The following HEATR4 variants were observed in gnomAD, a reference collection of about 807,000 sequenced individuals.
HEATR4 encodes the protein HEAT repeat-containing protein 4.
Under a neutral mutation model 108.8 loss-of-function variants are expected in HEATR4, and 95 were observed. That is an observed-to-expected ratio of 0.87 (90% CI 0.74 to 1.04). HEATR4 has a LOEUF of 1.04. Among genes scored for constraint, HEATR4 ranks in the 50% least tolerant of loss-of-function variants. HEATR4 has a pLI of 0.00. For synonymous variants in HEATR4, 443 were observed against 459.4 expected, an observed-to-expected ratio of 0.96 and a Z score of 0.46; for missense variants, 1,152 against 1,253.8, an observed-to-expected ratio of 0.92 and a Z score of 1.23.
chr14:73,572,436 A>C, the HEATR4 span, among the ~76,000 whole-genome samples: 1 of 152,014 alleles, frequency 6.6e-6, no homozygotes, highest in Non-Finnish European at 1.5e-5. Context: ...CATTCCATTT[A>C]GATACAATTC....
chr14:73,514,062 C>T lies in HEATR4; in HGVS notation c.1383G>A (p.Met461Ile). The change falls in exon 6 of 18, where the codon ATG becomes ATA. Residue 461 changes from methionine (M) to isoleucine (I), a missense_variant. By Grantham distance (10) the Met-to-Ile change is conservative. Coordinates refer to ENST00000553558, the MANE Select transcript of HEATR4 (RefSeq NM_001220484.1). ...VTWELVVLRR[M>I]LKEWKTAWAL... ...CCCAGGCAGTCTTCCATTCCTTCAG[C>T]ATCCTCCGCAGGACCACCAGTTCCC... The T allele has an allele frequency of 1.9e-6, 3 of 1,614,204 alleles. No homozygotes were observed. The highest frequency in any genetic ancestry group is 2.5e-6 in the Non-Finnish European group (3 of 1,180,036).
intron 2 of HEATR4, among the ~76,000 whole-genome samples, chr14:73,529,625 CAG>C (rs1312902345): frequency 6.6e-6 from 1 of 152,080 alleles, no homozygotes; most frequent in African/African-American, 2.4e-5. Flanking sequence ...GGTAGTATCT[CAG>C]AGATTCCAAA....
chr14:73,586,338 G>C, the HEATR4 span, among the ~76,000 whole-genome samples: 1 of 151,914 alleles, frequency 6.6e-6, no homozygotes, highest in African/African-American at 2.4e-5. Context: ...AGTTTGCCGT[G>C]AGCCGAGATC....
chr14:73,538,730 C>T lies in HEATR4; in HGVS notation c.-151-8486G>A, dbSNP rs1288878088. Among the ~76,000 whole-genome samples, 2 of 113,442 alleles carry T rather than the reference C, an allele frequency of 1.8e-5. 1 individual carries two copies. The highest frequency in any genetic ancestry group is 3.8e-5 in the Non-Finnish European group (2 of 52,382). 74.4% of individuals were successfully genotyped at this position (113,442 alleles called of 152,430 possible). Reference sequence around the variant, plus strand: ...CGGTGGCTAACACCTGTAATCCTAGCACTTTGGGAGGCCGAGGCAGGCGGA... The same window carrying T: ...CGGTGGCTAACACCTGTAATCCTAGTACTTTGGGAGGCCGAGGCAGGCGGA... On this transcript the variant is annotated intron_variant, in intron 1 of 17. Transcript: ENST00000553558.
intron 10 of HEATR4, among the ~76,000 whole-genome samples, chr14:73,504,669 T>C (rs1886696083): frequency 6.6e-6 from 1 of 152,170 alleles, no homozygotes; most frequent in Non-Finnish European, 1.5e-5. Flanking sequence ...GTGATTACTG[T>C]ACTGAGTGGC....
intron 17 of HEATR4, among the ~76,000 whole-genome samples, chr14:73,484,122 GC>G (rs1330061179): frequency 6.6e-6 from 1 of 151,996 alleles, no homozygotes; most frequent in African/African-American, 2.4e-5. Context: ...CTCCCAAAGT[GC>G]TGGGATTGCA....
Position 73,481,011 on chromosome 14 carries a change from A to C in HEATR4, c.2845-2169T>G, listed in dbSNP as rs1009708859. The C allele has an allele frequency of 5.0e-5, 7 of 139,054 alleles. No individual in the cohort carries two copies. In the East Asian group the frequency reaches 1.4e-3, roughly 28 times the overall value. 8.6% of individuals were successfully genotyped at this position (139,054 alleles called of 1,614,324 possible). A position where few individuals can be genotyped will look rare whatever the true frequency, so the allele number is the denominator to read the frequency against. On this transcript the variant is annotated intron_variant, in intron 17 of 17. Coordinates refer to ENST00000553558, the MANE Select transcript of HEATR4 (RefSeq NM_001220484.1). The stretch of plus-strand genomic sequence containing the variant: ...AGCCTGGGCAGCAGAGCAAGACTCC[A>C]TCTCAAAAAAAAAAGAAAGAAAGAA...
At chr14:73,485,590 C>T (rs768983846) in intron 17 of HEATR4, among the ~76,000 whole-genome samples, 3 of 151,834 alleles carry the variant, frequency 2.0e-5, no homozygotes, top group Non-Finnish European at 4.4e-5. Flanking sequence ...TAAAATTTTT[C>T]GGCTTGGCAT....
At chr14:73,558,506 C>T (rs1427504574) in intron 1 of HEATR4, among the ~76,000 whole-genome samples, 2 of 114,100 alleles carry the variant, frequency 1.8e-5, no homozygotes, top group East Asian at 6.2e-4. Context: ...ACACCACTCT[C>T]GGTTAAATTT....
At chr14:73,623,755 C>T in the HEATR4 span, among the ~76,000 whole-genome samples, 1 of 152,032 alleles carries the variant, frequency 6.6e-6, no homozygotes, top group African/African-American at 2.4e-5. Context: ...GGGCCAACCC[C>T]TCAGGAATGT....
chr14:73,582,581 C>T, the HEATR4 span: 2 of 151,788 alleles, frequency 1.3e-5, no homozygotes, highest in African/African-American at 4.8e-5. Flanking sequence ...TTTACCTGTC[C>T]TCAAACTGAC....
the HEATR4 span, among the ~76,000 whole-genome samples, chr14:73,628,039 C>T: frequency 6.6e-6 from 1 of 152,078 alleles, no homozygotes; most frequent in Non-Finnish European, 1.5e-5. Context: ...GAACTCCTGA[C>T]CTCAAGTGAT....
the HEATR4 span, among the ~76,000 whole-genome samples, chr14:73,589,074 C>T: frequency 6.6e-6 from 1 of 152,110 alleles, no homozygotes; most frequent in Admixed American, 6.6e-5. Flanking sequence ...ATTGATTAAC[C>T]TTCACTGACA....
At chr14:73,588,050 A>G in the HEATR4 span, among the ~76,000 whole-genome samples, 1 of 150,832 alleles carries the variant, frequency 6.6e-6, no homozygotes, top group African/African-American at 2.4e-5. Flanking sequence ...TGCCCAGGCT[A>G]GAGTGCAATG....
At chr14:73,581,745 C>T in the HEATR4 span, 1 of 115,922 alleles carries the variant, frequency 8.6e-6, no homozygotes, top group Non-Finnish European at 1.7e-5. Context: ...AGGATCTGAA[C>T]CTGGGGCTTC....
chr14:73,611,238 C>T, the HEATR4 span, among the ~76,000 whole-genome samples: 2 of 152,250 alleles, frequency 1.3e-5, no homozygotes, highest in Non-Finnish European at 2.9e-5. Context: ...CTGCTATGTT[C>T]CCAGCTAGGT....
In HEATR4 at chr14:73,551,263, G is replaced by C. The variant is rs1227774044; in HGVS notation, c.-152+7488C>G. Among the ~76,000 whole-genome samples, 3 of 114,432 alleles carry C rather than the reference G, an allele frequency of 2.6e-5. 1 individual carries two copies. The highest frequency in any genetic ancestry group is 5.7e-5 in the African/African-American group (2 of 35,238). 75.1% of individuals were successfully genotyped at this position (114,432 alleles called of 152,430 possible). A position where few individuals can be genotyped will look rare whatever the true frequency, so the allele number is the denominator to read the frequency against. ...AATTTTCTAGCCCTTTACCCTCCAT[G>C]ATCCCTTTAAAAACCCTGTTACAGG... On this transcript the variant is annotated intron_variant, in intron 1 of 17. Coordinates refer to ENST00000553558, the MANE Select transcript of HEATR4 (RefSeq NM_001220484.1).
At chr14:73,576,778 A>G in the HEATR4 span, among the ~76,000 whole-genome samples, 3,297 of 134,916 alleles carry the variant, frequency 0.024, 164 homozygotes, top group African/African-American at 0.091. Flanking sequence ...CCTGGGCAAC[A>G]GCAAGACACA....
chr14:73,593,273 A>C, the HEATR4 span, among the ~76,000 whole-genome samples: 1 of 151,924 alleles, frequency 6.6e-6, no homozygotes, highest in African/African-American at 2.4e-5. Context: ...GTACACTAAA[A>C]ACCAGAGGGC....
Sources: gnomAD v4.1 joint callset for allele counts (sites outside exome capture counted in the v4.1 genomes callset) on GRCh38, gnomAD v4.1.1 for gene constraint, MANE v1.5 for transcripts, NCBI Gene and HGNC (gene_info 2026-07-23, HGNC 2026-07-21) for gene names.